Variants in RFC4 observed in about 807,000 individuals in gnomAD.
The protein encoded by RFC4 is A1 37 kDa subunit.
RFC4 carries 38 observed loss-of-function variants against 47.6 expected under a neutral mutation model. The observed-to-expected ratio is 0.80, with a 90% CI of 0.62 to 1.05. The LOEUF is 1.05. Among genes scored for constraint, RFC4 ranks in the 50% least tolerant of loss-of-function variants. The pLI is 0.00. For missense variants in RFC4, 489 were observed against 434.0 expected, an observed-to-expected ratio of 1.13 and a Z score of -1.13; for synonymous variants, 164 against 150.0, an observed-to-expected ratio of 1.09 and a Z score of -0.68.
chr3:186,795,119 C>T (rs1288823311), intron 4 of RFC4, among the ~76,000 whole-genome samples: 2 of 152,324 alleles, frequency 1.3e-5, no homozygotes, highest in African/African-American at 4.8e-5. Flanking sequence ...ATCCTCCCAC[C>T]TTAGCTTCCC....
chr3:186,795,093 C>T (rs3917125), intron 4 of RFC4, among the ~76,000 whole-genome samples: 35,812 of 152,184 alleles, frequency 0.24, 4,971 homozygotes, highest in East Asian at 0.41. Context: ...CAGCCTTGAA[C>T]TCCTGGGCTC....
In RFC4 at chr3:186,792,622, G is replaced by A. The variant is rs781743015; in HGVS notation, c.555-12C>T. On this transcript the variant is annotated splice_polypyrimidine_tract_variant and intron_variant, in intron 6 of 10. Coordinates refer to ENST00000296273, the MANE Select transcript of RFC4 (RefSeq NM_002916.5). ...GGGGTTCAATTATTCTGTGGAAGAT[G>A]AGAAAAACCAAGTTGGTGTCTAAAG... The A allele has an allele frequency of 7.4e-5, 119 of 1,604,244 alleles. No homozygotes were observed. Among genetic ancestry groups the A allele is most frequent in the Non-Finnish European group, 9.7e-5 (114 of 1,174,556 alleles).
intron 2 of RFC4, among the ~76,000 whole-genome samples, chr3:186,804,215 C>T (rs1722425496): frequency 6.6e-6 from 1 of 152,006 alleles, no homozygotes; most frequent in Non-Finnish European, 1.5e-5. Context: ...ATACTTTCCA[C>T]CTATTGTAAT....
chr3:186,800,221 C>T (rs1425142651), intron 3 of RFC4, among the ~76,000 whole-genome samples: 3 of 152,090 alleles, frequency 2.0e-5, no homozygotes, highest in Admixed American at 6.5e-5. Flanking sequence ...CCTCCCGAAA[C>T]GCTAGGATTA....
chr3:186,796,158 A>G lies in RFC4; in HGVS notation c.290+1377T>C, dbSNP rs1051492009. On this transcript the variant is annotated intron_variant, in intron 4 of 10. Coordinates refer to ENST00000296273, the MANE Select transcript of RFC4 (RefSeq NM_002916.5). This position sits in a 1 kb window ranked among gnomAD's most constrained non-coding sequence, Gnocchi z 4.2. ...TGGACATAAACATTTACATGCATCT[A>G]TTTTCTATTTTAAAGCCACAATATT... 3.3e-5 allele frequency among the ~76,000 whole-genome samples: 5 copies of G among 152,030 alleles called. No homozygotes were observed. The highest frequency in any genetic ancestry group is 1.2e-4 in the African/African-American group (5 of 41,392).
intron 2 of RFC4, among the ~76,000 whole-genome samples, chr3:186,802,459 T>A (rs1044441000): frequency 1.3e-5 from 2 of 152,246 alleles, no homozygotes; most frequent in African/African-American, 4.8e-5. Context: ...ATACTTAGTA[T>A]GTGTTAACTG....
At position 186,796,542 on chromosome 3, in the gene RFC4, T is replaced by C. The variant is rs1315275954; in HGVS notation, c.290+993A>G. Among the ~76,000 whole-genome samples the C allele has an allele frequency of 6.6e-6, 1 of 152,014 alleles. No individual in the cohort carries two copies. The highest frequency in any genetic ancestry group is 1.5e-5 in the Non-Finnish European group (1 of 67,986). On this transcript the variant is annotated intron_variant, in intron 4 of 10. Coordinates refer to ENST00000296273, the MANE Select transcript of RFC4 (RefSeq NM_002916.5). This position sits in a 1 kb window ranked among gnomAD's most constrained non-coding sequence, Gnocchi z 4.2. ...TCACCCAGGCTGGAGTGCAGTGGCG[T>C]GATCTCGGCTCACTGCAACCTCTGC...
Position 186,791,843 on chromosome 3 carries a change from G to C in RFC4, c.683C>G (p.Ala228Gly). ...ENVKISDEGIAYLVKVSEGDL... is the reference protein window; with the variant it reads ...ENVKISDEGIGYLVKVSEGDL... ...TCCTTCTGACACTTTAACAAGATAAGCTATTCCCTGAAGAGAAAAGAGTTG... is the reference window on the plus strand; with the variant it reads ...TCCTTCTGACACTTTAACAAGATAACCTATTCCCTGAAGAGAAAAGAGTTG... Residue 228 changes from alanine (A) to glycine (G), a missense_variant, in exon 8 of 11, where the codon GCT (alanine) becomes GGT (glycine). Physicochemically the swap from Ala to Gly is moderately conservative, Grantham distance 60 (BLOSUM62 0). Around this residue, in one of 2 missense-constraint regions of RFC4, gnomAD observed 283 missense variants for 176.2 expected, o/e 1.61. Transcript: ENST00000296273. The C allele has an allele frequency of 1.2e-6, 2 of 1,611,750 alleles. No homozygotes were observed. Among genetic ancestry groups the C allele is most frequent in the Non-Finnish European group, 1.7e-6 (2 of 1,178,268 alleles).
rs34281312 is a variant in RFC4 at position 186,801,710 on chromosome 3, C to CAA, written c.132-517_132-516dup. ...TGGGTGACAGAGGGAGACTCTGTCT[C>CAA]AAAAAAAAAAAAAAAAAAAAAGAAA... On this transcript the variant is annotated intron_variant, in intron 2 of 10. Transcript: ENST00000296273. Among the ~76,000 whole-genome samples the CAA allele has an allele frequency of 1.2e-3, 84 of 72,804 alleles. No homozygotes were observed. In the East Asian group the frequency reaches 0.012, roughly 10 times the overall value. The allele number at this position is 72,804 out of a possible 152,430, so 47.8% of individuals were successfully genotyped here. A position where few individuals can be genotyped will look rare whatever the true frequency, so the allele number is the denominator to read the frequency against.
At chr3:186,792,680 A>C (rs192444569) in intron 6 of RFC4, 70 bp from the exon 7 acceptor site, 3 of 1,573,670 alleles carry the variant, frequency 1.9e-6, no homozygotes, top group East Asian at 2.3e-5. Context: ...CATTTTTATC[A>C]AGAACAAATC....
rs1286648899 is a variant in RFC4, at chr3:186,797,566, T to C, written c.259A>G (p.Thr87Ala). 2 of 1,612,164 alleles carry C rather than the reference T, an allele frequency of 1.2e-6. No homozygotes were observed. Among genetic ancestry groups the C allele is most frequent in the East Asian group, 4.5e-5 (2 of 44,868 alleles). Reference protein sequence around the residue: ...YGPPGTGKTSTILAAARELFG... With the variant: ...YGPPGTGKTSAILAAARELFG... Reference sequence around the variant, plus strand: ...AGTTCTCTAGCTGCTGCCAAAATAGTGGATGTTTTTCCAGTTCCAGGTGGT... The same window carrying C: ...AGTTCTCTAGCTGCTGCCAAAATAGCGGATGTTTTTCCAGTTCCAGGTGGT... The change falls in exon 4 of 11, where the codon ACT (threonine) becomes GCT (alanine). Residue 87 changes from threonine (T) to alanine (A), a missense_variant. Physicochemically the swap from Thr to Ala is moderately conservative, Grantham distance 58 (BLOSUM62 0). Around this residue, in one of 2 missense-constraint regions of RFC4, gnomAD observed 206 missense variants for 257.8 expected, o/e 0.80. Transcript: ENST00000296273.
intron 8 of RFC4, 52 bp from the exon 9 acceptor site, chr3:186,790,458 T>A (rs755060641): frequency 7.8e-7 from 1 of 1,280,796 alleles, no homozygotes; most frequent in East Asian, 2.3e-5. Context: ...AGACTAGACA[T>A]ACACTCTGCC....
intron 2 of RFC4, among the ~76,000 whole-genome samples, chr3:186,801,730 A>AAAAAAAAAAAAAAAAAAG (rs1348449105): frequency 3.4e-4 from 51 of 149,942 alleles, no homozygotes; most frequent in African/African-American, 1.2e-3. Context: ...AAAAAAAAAA[A>AAAAAAAAAAAAAAAAAAG]AGAAATTAAA....
In RFC4 at chr3:186,793,973, C is replaced by T. The variant is rs1375034448; in HGVS notation, c.410+685G>A. Among the ~76,000 whole-genome samples the T allele has an allele frequency of 7.2e-5, 11 of 152,164 alleles. No individual in the cohort carries two copies. The highest frequency in any genetic ancestry group is 3.9e-4 in the Admixed American group (6 of 15,272). On this transcript the variant is annotated intron_variant, in intron 5 of 10. Coordinates refer to ENST00000296273, the MANE Select transcript of RFC4 (RefSeq NM_002916.5). This position sits in a 1 kb window ranked among gnomAD's most constrained non-coding sequence, Gnocchi z 4.2. Reference sequence around the variant, plus strand: ...TCCTGACCTTGTGATCCACCTGCCTCGGCCTCCCAAAGTGCTGGGATTACA... The same window carrying T: ...TCCTGACCTTGTGATCCACCTGCCTTGGCCTCCCAAAGTGCTGGGATTACA...
rs968262644 is a variant in RFC4 at position 186,796,131 on chromosome 3, T to C, written c.291-1354A>G. ...ATCAGCATGGTATCCTAAGCATGTT[T>C]ATGGACATAAACATTTACATGCATC... On this transcript the variant is annotated intron_variant, in intron 4 of 10. Transcript: ENST00000296273. The surrounding 1 kb of genome is among the most constrained non-coding windows in gnomAD (Gnocchi z 4.2). Among the ~76,000 whole-genome samples, 14 of 152,190 alleles carry C rather than the reference T, an allele frequency of 9.2e-5. No homozygotes were observed. The highest frequency in any genetic ancestry group is 3.4e-4 in the African/African-American group (14 of 41,448).
At chr3:186,804,760 T>C (rs1170837081) in intron 1 of RFC4, 36 bp from the exon 2 acceptor site, 1 of 1,582,668 alleles carries the variant, frequency 6.3e-7, no homozygotes, top group Admixed American at 1.9e-5. Context: ...AAAGCTTTTA[T>C]TGAAACTTTT....
chr3:186,795,441 T>TA (rs1458174973), intron 4 of RFC4, among the ~76,000 whole-genome samples: 1 of 152,244 alleles, frequency 6.6e-6, no homozygotes, highest in Middle Eastern at 3.2e-3. Context: ...CTTCTATTGT[T>TA]AGACATCTAG....
intron 1 of RFC4, among the ~76,000 whole-genome samples, chr3:186,805,806 TC>T (rs1722467043): frequency 6.6e-6 from 1 of 152,126 alleles, no homozygotes; most frequent in Non-Finnish European, 1.5e-5. Flanking sequence ...CCCGGTTAAT[TC>T]TATTTTTTTC....
Position 186,792,874 on chromosome 3 carries a change from C to G in RFC4, c.484G>C (p.Ala162Pro). ...TCCTTCTCCATGGTACGTCTTAAAG[C>G]TGCCTGAGCAGCTGAGGTCATAGAA... The part of the protein sequence containing the change: ...ADSMTSAAQA[A>P]LRRTMEKESK... The change falls in exon 6 of 11, where the codon GCT (alanine) becomes CCT (proline). Residue 162 changes from alanine (A) to proline (P), a missense_variant. Ala to Pro is a conservative substitution (Grantham distance 27). Coordinates refer to ENST00000296273, the MANE Select transcript of RFC4 (RefSeq NM_002916.5). The G allele has an allele frequency of 6.2e-7, 1 of 1,614,006 alleles. No individual in the cohort carries two copies. The highest frequency in any genetic ancestry group is 8.5e-7 in the Non-Finnish European group (1 of 1,179,928).
Sources: gnomAD v4.1 joint callset for allele counts (sites outside exome capture counted in the v4.1 genomes callset) on GRCh38, gnomAD v4.1.1 for gene constraint, gnomAD v4.1.1 regional missense constraint, Gnocchi (gnomAD v3.1) non-coding constraint, MANE v1.5 for transcripts, NCBI Gene and HGNC (gene_info 2026-07-23, HGNC 2026-07-21) for gene names.